Variants in RASEF observed in about 807,000 individuals in gnomAD.
The protein encoded by RASEF is ras and EF-hand domain-containing protein.
RASEF carries 68 observed loss-of-function variants against 90.1 expected under a neutral mutation model. The ratio of observed to expected loss-of-function variants is 0.75; its 90% CI spans 0.62 to 0.92. RASEF has a LOEUF of 0.92. RASEF is among the 40% of genes least tolerant of loss of function. RASEF has a pLI of 0.00. For synonymous variants in RASEF, 331 were observed against 345.2 expected (o/e 0.96, Z 0.46); for missense variants, 949 against 937.2 (o/e 1.01, Z -0.16).
the RASEF span, among the ~76,000 whole-genome samples, chr9:83,095,626 A>T: frequency 6.6e-6 from 1 of 151,954 alleles, no homozygotes; most frequent in Non-Finnish European, 1.5e-5. Flanking sequence ...TTCATACCAG[A>T]CTATACAAAA....
At chr9:83,144,391 G>GAAAGAAAGAAAGAAAGGAAA in the RASEF span, among the ~76,000 whole-genome samples, 1 of 33,240 alleles carries the variant, frequency 3.0e-5, no homozygotes, top group African/African-American at 1.0e-4. Context: ...AAGAAAGAAA[G>GAAAGAAAGAAAGAAAGGAAA]GAAAGAAAGA....
At chr9:82,984,854 G>C (rs535617389) in intron 16 of RASEF, among the ~76,000 whole-genome samples, 25 of 152,256 alleles carry the variant, frequency 1.6e-4, no homozygotes, top group Non-Finnish European at 2.8e-4. Context: ...GAGCTTTAAG[G>C]GAGAGTCAGA....
intron 14 of RASEF, among the ~76,000 whole-genome samples, chr9:82,995,951 T>A (rs924317796): frequency 2.6e-5 from 4 of 152,202 alleles, no homozygotes; most frequent in Non-Finnish European, 4.4e-5. Flanking sequence ...TCTCAGATGC[T>A]AGAGAGATGA....
the RASEF span, among the ~76,000 whole-genome samples, chr9:83,207,507 C>T: frequency 6.6e-6 from 1 of 150,856 alleles, no homozygotes; most frequent in Admixed American, 6.6e-5. Flanking sequence ...GGCCCTCTAA[C>T]ATATTCAGCA....
At chr9:83,188,257 A>G in the RASEF span, among the ~76,000 whole-genome samples, 1 of 152,220 alleles carries the variant, frequency 6.6e-6, no homozygotes, top group Non-Finnish European at 1.5e-5. Flanking sequence ...TGTATTAACT[A>G]ATATAATAAT....
At chr9:83,135,198 A>C in the RASEF span, among the ~76,000 whole-genome samples, 4 of 152,050 alleles carry the variant, frequency 2.6e-5, no homozygotes, top group East Asian at 1.9e-4. Flanking sequence ...TATACTAAAA[A>C]TGCATGGATG....
chr9:83,150,781 C>T, the RASEF span, among the ~76,000 whole-genome samples: 2 of 152,256 alleles, frequency 1.3e-5, no homozygotes, highest in African/African-American at 4.8e-5. Flanking sequence ...TTTATAGTCA[C>T]TGTATTCTCA....
At chr9:83,173,896 G>A in the RASEF span, among the ~76,000 whole-genome samples, 8 of 151,654 alleles carry the variant, frequency 5.3e-5, no homozygotes, top group South Asian at 2.1e-4. Context: ...CTGATTTTTC[G>A]TTCTTGATAC....
chr9:83,145,712 T>C, the RASEF span, among the ~76,000 whole-genome samples: 1 of 151,218 alleles, frequency 6.6e-6, no homozygotes, highest in African/African-American at 2.4e-5. Flanking sequence ...AGAGAGAAAA[T>C]AGAAATAAAG....
chr9:83,087,237 A>G, the RASEF span, among the ~76,000 whole-genome samples: 1 of 152,106 alleles, frequency 6.6e-6, no homozygotes. Flanking sequence ...GTGTCCCCCA[A>G]ATTTGTATGT....
At chr9:83,001,179 A>T (rs1018263797) in intron 9 of RASEF, 49 bp from the exon 10 acceptor site, 2 of 1,369,600 alleles carry the variant, frequency 1.5e-6, no homozygotes, top group African/African-American at 2.8e-5. Flanking sequence ...GAAATGCTCA[A>T]GAACATACAG....
At chr9:83,018,820 C>T (rs1285230066) in intron 3 of RASEF, among the ~76,000 whole-genome samples, 1 of 151,952 alleles carries the variant, frequency 6.6e-6, no homozygotes. Flanking sequence ...ATAGACAAAT[C>T]AATCAATGGA....
At chr9:83,120,779 CT>C in the RASEF span, among the ~76,000 whole-genome samples, 3 of 152,128 alleles carry the variant, frequency 2.0e-5, no homozygotes, top group African/African-American at 7.2e-5. Context: ...GATAAAGACC[CT>C]GCCAGGATGA....
At chr9:83,033,863 A>G (rs535577730) in intron 1 of RASEF, among the ~76,000 whole-genome samples, 1 of 152,294 alleles carries the variant, frequency 6.6e-6, no homozygotes, top group African/African-American at 2.4e-5. Flanking sequence ...AACAAGGATT[A>G]TGTTCTTACT....
the RASEF span, among the ~76,000 whole-genome samples, chr9:83,082,311 C>G: frequency 2.0e-5 from 3 of 152,296 alleles, no homozygotes; most frequent in South Asian, 6.2e-4. Flanking sequence ...ACCTATCTAT[C>G]ACTCATGGAA....
At chr9:83,158,911 G>A in the RASEF span, among the ~76,000 whole-genome samples, 3 of 151,762 alleles carry the variant, frequency 2.0e-5, no homozygotes, top group African/African-American at 7.3e-5. Context: ...ATATGTGAGG[G>A]CACAGTGGCT....
At chr9:83,071,539 G>A in the RASEF span, among the ~76,000 whole-genome samples, 1 of 152,080 alleles carries the variant, frequency 6.6e-6, no homozygotes, top group Non-Finnish European at 1.5e-5. Flanking sequence ...TTGAGTAGCT[G>A]GAACCACAGG....
At chr9:83,036,318 C>A (rs1019071639) in intron 1 of RASEF, among the ~76,000 whole-genome samples, 1 of 152,172 alleles carries the variant, frequency 6.6e-6, no homozygotes, top group Non-Finnish European at 1.5e-5. Flanking sequence ...GGAAAGTCAG[C>A]CAGTTGTGCT....
chr9:83,204,974 A>G, the RASEF span, among the ~76,000 whole-genome samples: 1 of 152,252 alleles, frequency 6.6e-6, no homozygotes, highest in Non-Finnish European at 1.5e-5. Flanking sequence ...TCCATTTTAC[A>G]GATGTCAAAA....
Sources: gnomAD v4.1 joint callset for allele counts (sites outside exome capture counted in the v4.1 genomes callset) on GRCh38, gnomAD v4.1.1 for gene constraint, MANE v1.5 for transcripts, NCBI Gene and HGNC (gene_info 2026-07-23, HGNC 2026-07-21) for gene names.